The following EFCAB8 variants were observed in gnomAD, a reference collection of about 807,000 sequenced individuals.
EFCAB8 encodes the protein EF-hand calcium binding domain 8.
EFCAB8 carries 100 observed loss-of-function variants against 116.3 expected under a neutral mutation model. The observed-to-expected ratio is 0.86, with a 90% CI of 0.73 to 1.02. EFCAB8 has a LOEUF of 1.02. EFCAB8 is among the 50% of genes least tolerant of loss of function. The probability of loss-of-function intolerance (pLI) is 0.00; values close to 1 mark genes in which losing one functional copy is unlikely to be tolerated. For missense variants in EFCAB8, 1,320 were observed against 1,416.9 expected, an observed-to-expected ratio of 0.93 and a Z score of 1.10; for synonymous variants, 558 against 567.9, an observed-to-expected ratio of 0.98 and a Z score of 0.25.
intron 22 of EFCAB8, among the ~76,000 whole-genome samples, 157 bp from the exon 23 acceptor site, chr20:32,943,479 G>T (rs73904087): frequency 2.0e-5 from 3 of 152,230 alleles, no homozygotes; most frequent in Non-Finnish European, 4.4e-5. Flanking sequence ...ATGTAAGGTC[G>T]CAAGCAAGTT....
At chr20:32,867,537 G>A in intron 2 of EFCAB8, 45 bp from the exon 3 acceptor site, 1 of 1,534,014 alleles carries the variant, frequency 6.5e-7, no homozygotes, top group Non-Finnish European at 8.8e-7. Flanking sequence ...TTTGGCTCAG[G>A]AAATTGAAAC....
chr20:32,876,069 C>T, intron 4 of EFCAB8, 25 bp downstream of exon 4: 5 of 1,545,362 alleles, frequency 3.2e-6, no homozygotes, highest in Non-Finnish European at 4.4e-6. Context: ...CCTGCTTCCT[C>T]AGGTGCTGGA....
chr20:32,893,339 G>A, intron 9 of EFCAB8, 41 bp downstream of exon 9: 2 of 1,550,732 alleles, frequency 1.3e-6, no homozygotes, highest in Non-Finnish European at 1.7e-6. Flanking sequence ...GCCTGGGCAT[G>A]GCCTAGATGT....
At chr20:32,916,124 T>G (rs1257510352) in intron 17 of EFCAB8, among the ~76,000 whole-genome samples, 1 of 152,214 alleles carries the variant, frequency 6.6e-6, no homozygotes, top group Admixed American at 6.5e-5. Flanking sequence ...AAATTATTTC[T>G]TATAGTTCTG....
chr20:32,863,902 C>G, intron 2 of EFCAB8, 68 bp downstream of exon 2: 3 of 1,520,126 alleles, frequency 2.0e-6, no homozygotes, highest in Non-Finnish European at 2.7e-6. Flanking sequence ...ACCTCACTTA[C>G]CAGCATGGAA....
rs527884206 is a variant in EFCAB8 at position 32,941,120 on chromosome 20, C to T, written c.2791-2516C>T. On this transcript the variant is annotated intron_variant, in intron 22 of 26. Coordinates refer to ENST00000400522, the MANE Select transcript of EFCAB8 (RefSeq NM_001143967.2). ...TACAAAAATTAGCAGGGCATGATGGCGGGTGCCTGTAATCCCAGCTACTCG... is the reference window on the plus strand; with the variant it reads ...TACAAAAATTAGCAGGGCATGATGGTGGGTGCCTGTAATCCCAGCTACTCG... Among the ~76,000 whole-genome samples the T allele has an allele frequency of 5.4e-5, 8 of 149,310 alleles. 2 individuals carry two copies. The highest frequency in any genetic ancestry group is 1.0e-4 in the Non-Finnish European group (7 of 67,304).
intron 23 of EFCAB8, among the ~76,000 whole-genome samples, chr20:32,944,154 A>T (rs1339586900): frequency 6.6e-6 from 1 of 152,224 alleles, no homozygotes; most frequent in Non-Finnish European, 1.5e-5. Context: ...AAGTAAATAC[A>T]TACCCATATA....
intron 6 of EFCAB8, among the ~76,000 whole-genome samples, chr20:32,885,896 G>A (rs192235955): frequency 6.6e-6 from 1 of 152,208 alleles, no homozygotes; most frequent in Non-Finnish European, 1.5e-5. Context: ...GCCCAAACAG[G>A]TGTCCCTTTA....
At chr20:32,885,738 A>T (rs565813313) in intron 6 of EFCAB8, 98 bp downstream of exon 6, 1 of 1,459,836 alleles carries the variant, frequency 6.9e-7, no homozygotes, top group Non-Finnish European at 9.2e-7. Context: ...AGGCAGATTC[A>T]TGGTCTAAGC....
intron 22 of EFCAB8, among the ~76,000 whole-genome samples, chr20:32,940,868 T>C (rs979004506): frequency 6.7e-6 from 1 of 149,818 alleles, no homozygotes; most frequent in Non-Finnish European, 1.5e-5. Flanking sequence ...TATAATGAGA[T>C]CCCACTTTAC....
chr20:32,917,567 G>T, intron 18 of EFCAB8, 62 bp downstream of exon 18: 2 of 1,431,620 alleles, frequency 1.4e-6, no homozygotes, highest in Non-Finnish European at 1.9e-6. Context: ...AGAATCCTGT[G>T]GGGCAGGGAG....
rs146074132 is a variant in EFCAB8 at position 32,932,543 on chromosome 20, G to A, written c.2790+1207G>A. 2.2e-3 allele frequency among the ~76,000 whole-genome samples: 333 copies of A among 152,302 alleles called. 1 individual carries two copies. The highest frequency in any genetic ancestry group is 3.7e-3 in the Non-Finnish European group (255 of 68,030). On this transcript the variant is annotated intron_variant, in intron 22 of 26. Coordinates refer to ENST00000400522, the MANE Select transcript of EFCAB8 (RefSeq NM_001143967.2). ...TTCATGCTCCCTGAAGTAACCACGT[G>A]TGTTGATTTTTGGTTATTCCTCTGG...
intron 24 of EFCAB8, 74 bp from the exon 25 acceptor site, chr20:32,959,701 AGGC>A: frequency 9.1e-7 from 1 of 1,094,440 alleles, no homozygotes; most frequent in Non-Finnish European, 1.3e-6. Context: ...GGAAGGGGAG[AGGC>A]TTTCAGGGTT....
intron 20 of EFCAB8, among the ~76,000 whole-genome samples, chr20:32,921,222 G>A (rs118131001): frequency 0.024 from 3,591 of 151,954 alleles, 100 homozygotes; most frequent in African/African-American, 0.061. Context: ...TTGAGACAGG[G>A]TCTCACTGTC....
chr20:32,893,365 C>T (rs1170772720), intron 9 of EFCAB8, 67 bp downstream of exon 9: 5 of 1,538,224 alleles, frequency 3.3e-6, no homozygotes, highest in African/African-American at 2.8e-5. Context: ...CTGAGGTCAT[C>T]CTGGTCCCCG....
chr20:32,874,101 T>A (rs1984826727), intron 3 of EFCAB8, among the ~76,000 whole-genome samples: 1 of 151,082 alleles, frequency 6.6e-6, no homozygotes, highest in African/African-American at 2.5e-5. Flanking sequence ...TTGTATTTTC[T>A]GTGAAGATGC....
At chr20:32,895,603 G>T (rs1474729518) in intron 9 of EFCAB8, among the ~76,000 whole-genome samples, 1 of 135,122 alleles carries the variant, frequency 7.4e-6, no homozygotes, top group Non-Finnish European at 1.6e-5. Flanking sequence ...GCAGAGTCTT[G>T]CTCTATTGCC....
At chr20:32,868,814 G>A (rs1363113555) in intron 3 of EFCAB8, among the ~76,000 whole-genome samples, 6 of 152,082 alleles carry the variant, frequency 3.9e-5, no homozygotes, top group Non-Finnish European at 5.9e-5. Flanking sequence ...GTGAAACCCC[G>A]TCTCTACTAA....
intron 5 of EFCAB8, 83 bp downstream of exon 5, chr20:32,878,890 T>C: frequency 3.3e-6 from 4 of 1,214,384 alleles, no homozygotes; most frequent in Non-Finnish European, 4.7e-6. Context: ...CCTCCCTCAA[T>C]CCGTGACCTT....
Sources: allele counts gnomAD v4.1 joint callset (sites outside exome capture counted in the v4.1 genomes callset), GRCh38; gene constraint gnomAD v4.1.1; transcripts MANE v1.5; gene names NCBI Gene and HGNC (gene_info 2026-07-23, HGNC 2026-07-21).